The following PHF21A variants were observed in gnomAD, a reference collection of about 807,000 sequenced individuals.
The protein encoded by PHF21A is PHD finger protein 21A.
PHF21A carries 11 observed loss-of-function variants against 82.5 expected under a neutral mutation model. The ratio of observed to expected loss-of-function variants is 0.13; its 90% CI spans 0.08 to 0.22. The LOEUF (loss-of-function observed/expected upper bound fraction) is 0.22. Among genes scored for constraint, PHF21A ranks in the 10% least tolerant of loss-of-function variants. PHF21A has a pLI of 1.00. For missense variants in PHF21A, 579 were observed against 837.8 expected (o/e 0.69, Z 3.81); for synonymous variants, 297 against 302.8 (o/e 0.98, Z 0.20).
intron 6 of PHF21A, among the ~76,000 whole-genome samples, chr11:45,984,729 C>A (rs1010329504): frequency 6.6e-6 from 1 of 152,174 alleles, no homozygotes; most frequent in African/African-American, 2.4e-5. Flanking sequence ...TAGAAAGCTT[C>A]TCTCAAAAGA....
At chr11:46,028,580 T>TA (rs896067752) in intron 6 of PHF21A, among the ~76,000 whole-genome samples, 1 of 148,274 alleles carries the variant, frequency 6.7e-6, no homozygotes, top group African/African-American at 2.5e-5. Context: ...CCTTTTTTTT[T>TA]TTTTTTTTTT....
At chr11:46,001,766 G>A (rs1031610395) in intron 6 of PHF21A, among the ~76,000 whole-genome samples, 3 of 152,144 alleles carry the variant, frequency 2.0e-5, no homozygotes, top group Non-Finnish European at 2.9e-5. Flanking sequence ...TCACAGGGCT[G>A]TCACTCGTAC....
chr11:46,026,833 C>T (rs56852527), intron 6 of PHF21A: 25,133 of 152,080 alleles, frequency 0.17, 2,347 homozygotes, highest in Non-Finnish European at 0.21. Context: ...GCCAGCATCA[C>T]GAAGAATGCT....
chr11:46,071,882 TA>T (rs2134752983), intron 6 of PHF21A, among the ~76,000 whole-genome samples: 1 of 152,168 alleles, frequency 6.6e-6, no homozygotes, highest in Admixed American at 6.5e-5. Flanking sequence ...TAAGTTAGTT[TA>T]AAAAGCATAA....
At chr11:46,023,792 C>T (rs931890924) in intron 6 of PHF21A, among the ~76,000 whole-genome samples, 55 of 152,102 alleles carry the variant, frequency 3.6e-4, no homozygotes, top group Non-Finnish European at 5.6e-4. Context: ...CCTGTTTCTA[C>T]TAAAAATACA....
chr11:46,099,560 A>ACACACACCCACC (rs369043301), intron 1 of PHF21A, among the ~76,000 whole-genome samples: 3 of 145,952 alleles, frequency 2.1e-5, no homozygotes, highest in African/African-American at 7.4e-5. Flanking sequence ...ACACACACAC[A>ACACACACCCACC]CACCCTAAAC....
chr11:45,976,779 A>G (rs2094047807), intron 7 of PHF21A, among the ~76,000 whole-genome samples: 2 of 152,150 alleles, frequency 1.3e-5, no homozygotes, highest in Admixed American at 1.3e-4. Flanking sequence ...GGTTTCAGTG[A>G]GCTGAGATTG....
intron 6 of PHF21A, among the ~76,000 whole-genome samples, chr11:45,993,660 G>A (rs1420704432): frequency 1.3e-5 from 2 of 151,794 alleles, no homozygotes; most frequent in Non-Finnish European, 2.9e-5. Context: ...TGGGCCAACA[G>A]GGAGAGATGT....
chr11:45,998,816 G>A (rs951208313), intron 6 of PHF21A, among the ~76,000 whole-genome samples: 15 of 128,124 alleles, frequency 1.2e-4, no homozygotes, highest in Non-Finnish European at 1.9e-4. Context: ...CACCACACCC[G>A]GCCTTTTTTT....
chr11:46,084,145 G>GA, intron 4 of PHF21A, 21 bp downstream of exon 4: 1 of 1,564,528 alleles, frequency 6.4e-7, no homozygotes, highest in East Asian at 2.3e-5. Flanking sequence ...CAGTGTGGGA[G>GA]AAGCCAATAA....
chr11:45,936,626 T>G lies in PHF21A; in HGVS notation c.1609-57A>C, dbSNP rs1427379257. On this transcript the variant is annotated intron_variant, in intron 16 of 18. Coordinates refer to ENST00000676320, the MANE Select transcript of PHF21A (RefSeq NM_001352027.3). ...AGGAGGTTTAAACACACATCCTCTA[T>G]GTAACAGCTAGCAGTGGTATCTGTG... is the stretch of plus-strand genomic sequence containing the variant. The G allele has an allele frequency of 7.2e-6, 8 of 1,104,638 alleles. No individual in the cohort carries two copies. The East Asian group carries it at 1.6e-4, about 23-fold the overall frequency. The allele number at this position is 1,104,638 out of a possible 1,614,324, so 68.4% of individuals were successfully genotyped here.
In PHF21A at chr11:45,945,898, G is replaced by A. The variant is rs2091217099; in HGVS notation, c.1394C>T (p.Thr465Ile). Residue 465 changes from threonine (T) to isoleucine (I), a missense_variant, in exon 15 of 19, where the codon ACA (threonine) becomes ATA (isoleucine). Physicochemically the swap from Thr to Ile is moderately conservative, Grantham distance 89 (BLOSUM62 -1). Coordinates refer to ENST00000676320, the MANE Select transcript of PHF21A (RefSeq NM_001352027.3). ...CTGAACAGGTGCAGGGAAAGTGAATGTGGTCTCTGTCTTTTCATTTTCAGG... is the reference window on the plus strand; with the variant it reads ...CTGAACAGGTGCAGGGAAAGTGAATATGGTCTCTGTCTTTTCATTTTCAGG... Reference protein sequence around the residue: ...DSPENEKTETTFTFPAPVQPV... With the variant: ...DSPENEKTETIFTFPAPVQPV... 1 of 1,611,682 alleles carries A rather than the reference G, an allele frequency of 6.2e-7. No homozygotes were observed. Among genetic ancestry groups the A allele is most frequent in the Non-Finnish European group, 8.5e-7 (1 of 1,178,850 alleles).
intron 6 of PHF21A, among the ~76,000 whole-genome samples, chr11:46,073,351 T>A (rs943031175): frequency 6.6e-6 from 1 of 151,762 alleles, no homozygotes; most frequent in Admixed American, 6.6e-5. Flanking sequence ...AAAGTTGGAT[T>A]CTCTGATTAG....
At chr11:46,030,108 A>G (rs1353880998) in intron 6 of PHF21A, among the ~76,000 whole-genome samples, 1 of 152,224 alleles carries the variant, frequency 6.6e-6, no homozygotes, top group Non-Finnish European at 1.5e-5. Flanking sequence ...ACAAAGAATC[A>G]ACGCTAAACA....
intron 6 of PHF21A, among the ~76,000 whole-genome samples, chr11:46,021,656 C>A (rs2095634947): frequency 2.0e-5 from 3 of 152,142 alleles, no homozygotes; most frequent in Admixed American, 2.0e-4. Context: ...ATCCTCCTGC[C>A]TCAGCCTCTC....
At chr11:46,038,343 G>C (rs552714329) in intron 6 of PHF21A, among the ~76,000 whole-genome samples, 34 of 152,148 alleles carry the variant, frequency 2.2e-4, no homozygotes, top group Admixed American at 7.2e-4. Flanking sequence ...GGCCAGGCTG[G>C]TTTTGAACTC....
At chr11:46,013,279 G>A (rs542643362) in intron 6 of PHF21A, among the ~76,000 whole-genome samples, 4 of 152,194 alleles carry the variant, frequency 2.6e-5, no homozygotes, top group Admixed American at 6.5e-5. Flanking sequence ...TAAACTGCAC[G>A]CTTAGAGTAG....
At chr11:45,934,265 GT>G in intron 18 of PHF21A, 40 bp from the exon 19 acceptor site, 1 of 1,586,180 alleles carries the variant, frequency 6.3e-7, no homozygotes, top group South Asian at 1.1e-5. Context: ...GAGCCGCCTG[GT>G]TTCTAACAGG....
intron 6 of PHF21A, among the ~76,000 whole-genome samples, chr11:46,040,677 A>G (rs1268250504): frequency 6.6e-6 from 1 of 152,164 alleles, no homozygotes; most frequent in East Asian, 1.9e-4. Context: ...TCACAATTCT[A>G]TCCTGAAGCA....
Sources: allele counts gnomAD v4.1 joint callset (sites outside exome capture counted in the v4.1 genomes callset), GRCh38; gene constraint gnomAD v4.1.1; transcripts MANE v1.5; gene names NCBI Gene and HGNC (gene_info 2026-07-23, HGNC 2026-07-21).